PTPRN2: variants seen among roughly 807,000 people sequenced by gnomAD.
PTPRN2 encodes protein tyrosine phosphatase receptor type N2, also known as receptor-type tyrosine-protein phosphatase N2.
In PTPRN2, 74 loss-of-function variants were observed where a neutral mutation model predicts 118.8. The ratio of observed to expected loss-of-function variants is 0.62; its 90% CI spans 0.52 to 0.76. The LOEUF (loss-of-function observed/expected upper bound fraction) is 0.76. PTPRN2 is among the 30% of genes least tolerant of loss of function. PTPRN2 has a pLI of 0.00. For missense variants in PTPRN2, 1,481 were observed against 1,394.4 expected (o/e 1.06, Z -0.99); for synonymous variants, 641 against 608.0 (o/e 1.05, Z -0.80).
intron 12 of PTPRN2, among the ~76,000 whole-genome samples, chr7:157,889,181 G>A (rs961262918): frequency 1.3e-5 from 2 of 152,072 alleles, no homozygotes; most frequent in African/African-American, 4.8e-5. Flanking sequence ...GGACCCCAGA[G>A]AAACCTTAAA....
At chr7:158,177,887 G>T (rs553715388) in intron 5 of PTPRN2, among the ~76,000 whole-genome samples, 1 of 152,336 alleles carries the variant, frequency 6.6e-6, no homozygotes, top group South Asian at 2.1e-4. Flanking sequence ...GTAGAAGTGG[G>T]ATGGAGGGAT....
chr7:157,945,054 G>A (rs1475434479), intron 11 of PTPRN2, among the ~76,000 whole-genome samples: 2 of 152,162 alleles, frequency 1.3e-5, no homozygotes, highest in Admixed American at 6.5e-5. Flanking sequence ...TGCTCTCACC[G>A]AGTCAGGCCT....
chr7:158,333,314 A>T (rs1804870660), intron 2 of PTPRN2, among the ~76,000 whole-genome samples: 1 of 139,160 alleles, frequency 7.2e-6, no homozygotes, highest in Non-Finnish European at 1.6e-5. Context: ...TGCAGACGTC[A>T]CTCACACCCA....
Position 157,787,162 on chromosome 7 carries a change from C to T in PTPRN2, c.1789-104225G>A, listed in dbSNP as rs1039275045. On this transcript the variant is annotated intron_variant, in intron 12 of 22. Transcript: ENST00000389418. The surrounding 1 kb of genome is among the most constrained non-coding windows in gnomAD (Gnocchi z 5.3). ...GCTGCCCGGGAGGCGGACGCGGGTG[C>T]GGCGGGGGACGCGGGGGTGGCTGCC... Among the ~76,000 whole-genome samples the T allele has an allele frequency of 4.1e-5, 6 of 145,138 alleles. No homozygotes were observed. The highest frequency in any genetic ancestry group is 2.0e-4 in the East Asian group (1 of 4,946).
At chr7:157,602,932 AG>A (rs1305328340) in intron 16 of PTPRN2, among the ~76,000 whole-genome samples, 1 of 152,274 alleles carries the variant, frequency 6.6e-6, no homozygotes, top group Non-Finnish European at 1.5e-5. Flanking sequence ...TGCATCCTGC[AG>A]GCACCATGTT....
chr7:158,211,935 T>G (rs1827632206), intron 3 of PTPRN2, among the ~76,000 whole-genome samples: 1 of 152,152 alleles, frequency 6.6e-6, no homozygotes, highest in Admixed American at 6.5e-5. Flanking sequence ...GCAGCACTGT[T>G]AACAACAGTG....
chr7:158,156,977 C>A (rs984972203), intron 6 of PTPRN2, among the ~76,000 whole-genome samples: 2 of 150,754 alleles, frequency 1.3e-5, no homozygotes, highest in African/African-American at 4.9e-5. Flanking sequence ...TGGAAGGCCT[C>A]CCCATTGTGC....
In PTPRN2 at chr7:158,003,610, C is replaced by G. The variant is rs1805439820; in HGVS notation, c.1723+77688G>C. On this transcript the variant is annotated intron_variant, in intron 11 of 22. Coordinates refer to ENST00000389418, the MANE Select transcript of PTPRN2 (RefSeq NM_002847.5). The surrounding 1 kb of genome is among the most constrained non-coding windows in gnomAD (Gnocchi z 5.0). ...GCCCTGCCCACAGGCGTCCCAGACC[C>G]AGGCCTTGGGGACTGCAGAGGATGG... Among the ~76,000 whole-genome samples, 1 of 152,112 alleles carries G rather than the reference C, an allele frequency of 6.6e-6. No homozygotes were observed. Among genetic ancestry groups the G allele is most frequent in the Non-Finnish European group, 1.5e-5 (1 of 68,022 alleles).
chr7:158,443,039 A>G (rs915386707), intron 2 of PTPRN2, among the ~76,000 whole-genome samples: 1 of 117,496 alleles, frequency 8.5e-6, no homozygotes, highest in Non-Finnish European at 1.7e-5. Context: ...GAACACAAAT[A>G]AGTATTAAAA....
chr7:158,232,708 C>T (rs1406043258), intron 3 of PTPRN2, among the ~76,000 whole-genome samples: 2 of 151,848 alleles, frequency 1.3e-5, no homozygotes, highest in African/African-American at 4.8e-5. Context: ...AATTCAAGAA[C>T]ACATTAAAAA....
intron 2 of PTPRN2, among the ~76,000 whole-genome samples, chr7:158,456,550 T>A (rs1342091271): frequency 6.7e-6 from 1 of 149,444 alleles, no homozygotes; most frequent in Non-Finnish European, 1.5e-5. Flanking sequence ...GCGGAGAACA[T>A]AACGGCACGG....
At chr7:157,701,550 G>A (rs979152475) in intron 12 of PTPRN2, among the ~76,000 whole-genome samples, 1 of 152,098 alleles carries the variant, frequency 6.6e-6, no homozygotes, top group African/African-American at 2.4e-5. Context: ...TGTCTGCTCC[G>A]GCAGCTCCAG....
chr7:157,832,854 G>C lies in PTPRN2; in HGVS notation c.1788+65819C>G, dbSNP rs1310587546. ...AGTGACTGGATTTGTGATCAGAATG[G>C]GGACAGTGGGAAAAGTTACCAAACC... On this transcript the variant is annotated intron_variant, in intron 12 of 22. Transcript: ENST00000389418. Among the ~76,000 whole-genome samples, 3 of 152,222 alleles carry C rather than the reference G, an allele frequency of 2.0e-5. No homozygotes were observed. The East Asian group carries it at 5.8e-4, about 29-fold the overall frequency.
At chr7:157,738,842 G>A (rs1188391037) in intron 12 of PTPRN2, among the ~76,000 whole-genome samples, 1 of 152,106 alleles carries the variant, frequency 6.6e-6, no homozygotes. Flanking sequence ...ATGCTCACAG[G>A]TCAAATTAGG....
intron 11 of PTPRN2, among the ~76,000 whole-genome samples, chr7:157,983,349 C>T (rs1236002059): frequency 6.6e-6 from 1 of 151,212 alleles, no homozygotes; most frequent in Non-Finnish European, 1.5e-5. Flanking sequence ...GTGCAGGGTC[C>T]CCCCTAAACC....
intron 12 of PTPRN2, among the ~76,000 whole-genome samples, chr7:157,875,334 G>C (rs1324758542): frequency 6.6e-6 from 1 of 152,198 alleles, no homozygotes; most frequent in South Asian, 2.1e-4. Flanking sequence ...GAGGGAGCGC[G>C]TGAGGGCTTC....
chr7:158,126,677 C>T (rs1293160151), intron 9 of PTPRN2, among the ~76,000 whole-genome samples: 6 of 148,470 alleles, frequency 4.0e-5, no homozygotes, highest in African/African-American at 1.3e-4. Context: ...GGACAGCGGG[C>T]GGCGGAACTT....
intron 12 of PTPRN2, among the ~76,000 whole-genome samples, chr7:157,771,303 C>G (rs1484729482): frequency 2.6e-5 from 4 of 152,248 alleles, no homozygotes; most frequent in Non-Finnish European, 1.5e-5. Flanking sequence ...GATTATAGAG[C>G]TGAGAGCAAA....
intron 11 of PTPRN2, among the ~76,000 whole-genome samples, chr7:158,072,069 A>AG (rs1811960144): frequency 8.3e-6 from 1 of 119,838 alleles, no homozygotes; most frequent in Non-Finnish European, 1.8e-5. Flanking sequence ...GTGGTGGTGG[A>AG]GGTGCTCGTG....
Sources: gnomAD v4.1 joint callset for allele counts (sites outside exome capture counted in the v4.1 genomes callset) on GRCh38, gnomAD v4.1.1 for gene constraint, Gnocchi (gnomAD v3.1) non-coding constraint, MANE v1.5 for transcripts, NCBI Gene and HGNC (gene_info 2026-07-23, HGNC 2026-07-21) for gene names.